The following ZNF680 variants were observed in gnomAD, a reference collection of about 807,000 sequenced individuals.
ZNF680 encodes the protein zinc finger protein 680.
Under a neutral mutation model 12.1 loss-of-function variants are expected in ZNF680, and 6 were observed. That is an observed-to-expected ratio of 0.49 (90% CI 0.27 to 0.98). The LOEUF (loss-of-function observed/expected upper bound fraction) is 0.98, where lower values mean the gene tolerates loss of function less well. Among genes scored for constraint, ZNF680 ranks in the 50% least tolerant of loss-of-function variants. ZNF680 has a pLI of 0.12. For missense variants in ZNF680, 561 were observed against 616.3 expected (o/e 0.91, Z 0.95); for synonymous variants, 170 against 199.3 (o/e 0.85, Z 1.24).
chr7:64,550,249 G>A (rs1787003918), intron 1 of ZNF680, among the ~76,000 whole-genome samples: 2 of 152,116 alleles, frequency 1.3e-5, no homozygotes, highest in African/African-American at 4.8e-5. Flanking sequence ...ATAGGGTGTG[G>A]GTTATAGTGT....
At chr7:64,562,758 C>T (rs1207667591) in intron 1 of ZNF680, among the ~76,000 whole-genome samples, 167 bp downstream of exon 1, 2 of 152,228 alleles carry the variant, frequency 1.3e-5, no homozygotes, top group Non-Finnish European at 1.5e-5. Context: ...GTCAGCCCAG[C>T]CGCCATCTTA....
intron 1 of ZNF680, among the ~76,000 whole-genome samples, chr7:64,552,888 G>A (rs1383939991): frequency 1.3e-5 from 2 of 152,214 alleles, no homozygotes; most frequent in Admixed American, 1.3e-4. Flanking sequence ...CACTTTGGGA[G>A]GTCAAGATGG....
In ZNF680 at chr7:64,539,369, A is replaced by AG. The variant is rs1329038734; in HGVS notation, c.253+4337_253+4338insC. 2.4e-4 allele frequency among the ~76,000 whole-genome samples: 28 copies of AG among 114,386 alleles called. No homozygotes were observed. The East Asian group carries it at 3.1e-3, about 13-fold the overall frequency. 75.0% of individuals were successfully genotyped at this position (114,386 alleles called of 152,430 possible). A position where few individuals can be genotyped will look rare whatever the true frequency, so the allele number is the denominator to read the frequency against. On this transcript the variant is annotated intron_variant, in intron 3 of 3. Coordinates refer to ENST00000309683, the MANE Select transcript of ZNF680 (RefSeq NM_178558.5). ...TTCGTCTCAAAAAAAAAAAAAAAAA[A>AG]AAAAAAGAAAAGAAAATCTTGTCCC...
intron 1 of ZNF680, among the ~76,000 whole-genome samples, chr7:64,549,263 T>C (rs1214852350): frequency 6.6e-6 from 1 of 152,092 alleles, no homozygotes; most frequent in Non-Finnish European, 1.5e-5. Context: ...GATACAGCTG[T>C]GGTCATGGCT....
At chr7:64,544,230 T>A (rs895412392) in intron 2 of ZNF680, 76 bp downstream of exon 2, 1 of 1,528,796 alleles carries the variant, frequency 6.5e-7, no homozygotes, top group African/African-American at 1.4e-5. Context: ...AAGCACAAAT[T>A]ACCACAAGTT....
In ZNF680 at chr7:64,522,395, A is replaced by G; in HGVS notation, c.359T>C (p.Leu120Ser). 6.2e-7 allele frequency: 1 copy of G among 1,612,144 alleles called. No homozygotes were observed. The highest frequency in any genetic ancestry group is 8.5e-7 in the Non-Finnish European group (1 of 1,179,090). Residue 120 changes from leucine (L) to serine (S), a missense_variant, in exon 4 of 4, where the codon TTA (leucine) becomes TCA (serine). By Grantham distance (145) the Leu-to-Ser change is moderately radical. Transcript: ENST00000309683. Reference sequence around the variant, plus strand: ...ACTTTTACAACTTATTCTTAATTGTAAATTCTCATGTCCACATTTTCCATA... The same window carrying G: ...ACTTTTACAACTTATTCTTAATTGTGAATTCTCATGTCCACATTTTCCATA... ...RGYGKCGHENLQLRISCKSVD... is the reference protein window; with the variant it reads ...RGYGKCGHENSQLRISCKSVD...
At chr7:64,510,180 G>A in the ZNF680 span, among the ~76,000 whole-genome samples, 1 of 150,196 alleles carries the variant, frequency 6.7e-6, no homozygotes, top group Non-Finnish European at 1.5e-5. Flanking sequence ...ATAAAACAAT[G>A]CCCCTTAAAA....
chr7:64,504,069 ATTATT>A, the ZNF680 span, among the ~76,000 whole-genome samples: 2 of 152,226 alleles, frequency 1.3e-5, no homozygotes, highest in Admixed American at 6.5e-5. Flanking sequence ...GCAGAAAAAT[ATTATT>A]TTAAATAAGA....
At chr7:64,499,121 TA>T in the ZNF680 span, among the ~76,000 whole-genome samples, 1 of 152,166 alleles carries the variant, frequency 6.6e-6, no homozygotes, top group Non-Finnish European at 1.5e-5. Context: ...AAAGAATAAA[TA>T]CATTAAATAT....
chr7:64,505,579 T>C, the ZNF680 span, among the ~76,000 whole-genome samples: 94 of 152,248 alleles, frequency 6.2e-4, no homozygotes, highest in African/African-American at 2.1e-3. Context: ...TGAGATCCCT[T>C]GTTGGTAGGC....
chr7:64,527,897 A>G (rs1355063416), intron 3 of ZNF680, among the ~76,000 whole-genome samples: 4 of 152,234 alleles, frequency 2.6e-5, no homozygotes, highest in Non-Finnish European at 5.9e-5. Flanking sequence ...GGAATAAATC[A>G]GGAAACCTGA....
chr7:64,560,729 T>C (rs1198259488), intron 1 of ZNF680, among the ~76,000 whole-genome samples: 1 of 151,950 alleles, frequency 6.6e-6, no homozygotes, highest in Non-Finnish European at 1.5e-5. Context: ...GGAGAATCGC[T>C]TGAACCCAAG....
intron 1 of ZNF680, among the ~76,000 whole-genome samples, chr7:64,553,280 T>A (rs1364815442): frequency 6.6e-6 from 1 of 152,166 alleles, no homozygotes; most frequent in Non-Finnish European, 1.5e-5. Flanking sequence ...TAGATTAATA[T>A]GATTTATATG....
the ZNF680 span, chr7:64,500,828 G>T: frequency 2.5e-6 from 1 of 402,492 alleles, no homozygotes. Context: ...AAACACAATG[G>T]CCAGCAATGT....
intron 3 of ZNF680, among the ~76,000 whole-genome samples, chr7:64,528,519 T>C (rs1012244882): frequency 6.6e-6 from 1 of 152,172 alleles, no homozygotes; most frequent in African/African-American, 2.4e-5. Flanking sequence ...CTTTGGATTG[T>C]GTAGAAGTTG....
downstream of ZNF680, among the ~76,000 whole-genome samples, chr7:64,519,680 T>C (rs1791433429): frequency 6.6e-6 from 1 of 151,842 alleles, no homozygotes; most frequent in Admixed American, 6.6e-5. Context: ...ATGTGGAATC[T>C]AAAAGAAAAT....
At chr7:64,554,791 ATACTCGT>A (rs1288571897) in intron 1 of ZNF680, among the ~76,000 whole-genome samples, 1 of 152,124 alleles carries the variant, frequency 6.6e-6, no homozygotes, top group Non-Finnish European at 1.5e-5. Flanking sequence ...TGAAGGCGGC[ATACTCGT>A]TAAGAGTCAT....
the ZNF680 span, among the ~76,000 whole-genome samples, chr7:64,513,835 G>A: frequency 1.6e-4 from 24 of 151,668 alleles, 1 homozygote; most frequent in Non-Finnish European, 2.5e-4. Flanking sequence ...TAGTAGAGAC[G>A]GGATTTCACC....
intron 3 of ZNF680, chr7:64,526,581 G>T: frequency 2.5e-6 from 1 of 393,994 alleles, no homozygotes; most frequent in Non-Finnish European, 4.5e-6. Flanking sequence ...AATGATGCTG[G>T]ACAGCATCAT....
Sources: allele counts gnomAD v4.1 joint callset (sites outside exome capture counted in the v4.1 genomes callset), GRCh38; gene constraint gnomAD v4.1.1; transcripts MANE v1.5; gene names NCBI Gene and HGNC (gene_info 2026-07-23, HGNC 2026-07-21).